The following ADORA2B variants were observed in gnomAD, a reference collection of about 807,000 sequenced individuals.
The protein encoded by ADORA2B is adenosine receptor A2b.
Under a neutral mutation model 20.8 loss-of-function variants are expected in ADORA2B, and 18 were observed. That is an observed-to-expected ratio of 0.87 (90% CI 0.60 to 1.29). ADORA2B has a LOEUF of 1.29. Ranked by LOEUF, ADORA2B falls within the 50% of genes most tolerant of loss-of-function variation. The pLI, the probability that ADORA2B is intolerant of heterozygous loss-of-function variation, is 0.00. For synonymous variants in ADORA2B, 179 were observed against 178.3 expected, an observed-to-expected ratio of 1.00 and a Z score of -0.03; for missense variants, 441 against 422.7, an observed-to-expected ratio of 1.04 and a Z score of -0.38.
the ADORA2B span, among the ~76,000 whole-genome samples, chr17:15,892,654 C>CTTT: frequency 8.2e-6 from 1 of 122,138 alleles, no homozygotes; most frequent in Non-Finnish European, 1.6e-5. Context: ...TTCTTTCTTT[C>CTTT]TTTTTTTTTT....
At chr17:15,854,010 C>G in the ADORA2B span, among the ~76,000 whole-genome samples, 1 of 152,186 alleles carries the variant, frequency 6.6e-6, no homozygotes, top group African/African-American at 2.4e-5. Context: ...GGCTGGAGTG[C>G]AATGGCACGA....
At chr17:15,870,303 G>T in the ADORA2B span, among the ~76,000 whole-genome samples, 1 of 148,664 alleles carries the variant, frequency 6.7e-6, no homozygotes, top group South Asian at 2.2e-4. Flanking sequence ...TAATACACAT[G>T]TTCCTTAGAT....
chr17:15,922,476 T>C, the ADORA2B span, among the ~76,000 whole-genome samples: 1 of 152,288 alleles, frequency 6.6e-6, no homozygotes, highest in Admixed American at 6.5e-5. Flanking sequence ...TCCCCTATGA[T>C]TAGGGTAGCC....
At position 15,964,789 on chromosome 17, in the gene ADORA2B, C is replaced by T. The variant is rs143905829; in HGVS notation, c.336-9890C>T. ...TTAAAAAAAAAAATCTGGCCGGGCG[C>T]GGTGGCTCACGCCTGTAACCCCAGC... On this transcript the variant is annotated intron_variant, in intron 1 of 1. Transcript: ENST00000304222. 7.4e-3 allele frequency among the ~76,000 whole-genome samples: 1,123 copies of T among 151,280 alleles called. 24 individuals carry two copies. The highest frequency in any genetic ancestry group is 0.023 in the African/African-American group (941 of 40,942).
At chr17:15,958,657 G>A (rs1466808846) in intron 1 of ADORA2B, among the ~76,000 whole-genome samples, 3 of 152,056 alleles carry the variant, frequency 2.0e-5, no homozygotes, top group Non-Finnish European at 4.4e-5. Flanking sequence ...CAATTCCTGA[G>A]ACTTCTGGAG....
the ADORA2B span, chr17:15,858,872 G>A: frequency 6.6e-6 from 1 of 152,274 alleles, no homozygotes; most frequent in Non-Finnish European, 1.5e-5. Flanking sequence ...TTCAACCCCA[G>A]AATAATGGAC....
At chr17:15,893,711 T>A in the ADORA2B span, among the ~76,000 whole-genome samples, 467 of 152,342 alleles carry the variant, frequency 3.1e-3, 4 homozygotes, top group Middle Eastern at 0.034. Context: ...CAGCACAGTG[T>A]CTATTAACAC....
At chr17:15,902,348 C>G in the ADORA2B span, among the ~76,000 whole-genome samples, 7 of 152,090 alleles carry the variant, frequency 4.6e-5, no homozygotes, top group Non-Finnish European at 7.4e-5. Context: ...GGATTACAGG[C>G]CTGCGCCATC....
Position 15,960,871 on chromosome 17 carries a change from G to A in ADORA2B, c.336-13808G>A, listed in dbSNP as rs571749624. Among the ~76,000 whole-genome samples, 11 of 142,706 alleles carry A rather than the reference G, an allele frequency of 7.7e-5. No individual in the cohort carries two copies. In the South Asian group the frequency reaches 2.2e-3, roughly 29 times the overall value. 93.6% of individuals were successfully genotyped at this position (142,706 alleles called of 152,430 possible). ...AGCCTGGGCGACAGAGCAAGACTCC[G>A]TCTCAAAAAAAAAAGTCTGGGCGCA... On this transcript the variant is annotated intron_variant, in intron 1 of 1. Coordinates refer to ENST00000304222, the MANE Select transcript of ADORA2B (RefSeq NM_000676.4).
chr17:15,904,521 G>A, the ADORA2B span, among the ~76,000 whole-genome samples: 6 of 151,390 alleles, frequency 4.0e-5, no homozygotes, highest in Admixed American at 4.0e-4. Context: ...CCGGGTAACT[G>A]GGACTACAGG....
chr17:15,896,707 T>C, the ADORA2B span, among the ~76,000 whole-genome samples: 1 of 152,198 alleles, frequency 6.6e-6, no homozygotes, highest in Non-Finnish European at 1.5e-5. Flanking sequence ...ATCTGTTGGC[T>C]TTTGTCCCCA....
At chr17:15,964,332 C>T (rs940235265) in intron 1 of ADORA2B, among the ~76,000 whole-genome samples, 4 of 152,128 alleles carry the variant, frequency 2.6e-5, no homozygotes, top group Admixed American at 6.5e-5. Flanking sequence ...TTAGGCTGGG[C>T]GCTGTGACTC....
the ADORA2B span, among the ~76,000 whole-genome samples, chr17:15,861,658 G>A: frequency 6.6e-6 from 1 of 152,190 alleles, no homozygotes; most frequent in South Asian, 2.1e-4. Context: ...GGATGTGAAG[G>A]AGGGCTTGGC....
the ADORA2B span, among the ~76,000 whole-genome samples, chr17:15,878,956 G>C: frequency 1.6e-3 from 245 of 152,222 alleles, no homozygotes; most frequent in African/African-American, 5.5e-3. Flanking sequence ...GTGTATTACT[G>C]TTGTGGGAAA....
intron 1 of ADORA2B, among the ~76,000 whole-genome samples, chr17:15,949,671 G>A (rs1426573717): frequency 6.6e-6 from 1 of 151,760 alleles, no homozygotes; most frequent in Non-Finnish European, 1.5e-5. Flanking sequence ...CAGAGTTCGA[G>A]ACCAGCCTGG....
chr17:15,927,057 AAAT>A, the ADORA2B span, among the ~76,000 whole-genome samples: 3 of 152,208 alleles, frequency 2.0e-5, no homozygotes, highest in Non-Finnish European at 4.4e-5. Context: ...GTTAAAAATA[AAAT>A]AATAGGCTGG....
chr17:15,893,610 C>G, the ADORA2B span, among the ~76,000 whole-genome samples: 1 of 152,032 alleles, frequency 6.6e-6, no homozygotes, highest in Admixed American at 6.6e-5. Flanking sequence ...AAGACCTTGG[C>G]CAGCATTTTT....
At chr17:15,854,105 A>G in the ADORA2B span, among the ~76,000 whole-genome samples, 12,447 of 152,214 alleles carry the variant, frequency 0.082, 1,426 homozygotes, top group African/African-American at 0.25. Context: ...ACAGCCATGC[A>G]CCACCACGCC....
the ADORA2B span, among the ~76,000 whole-genome samples, chr17:15,865,644 C>G: frequency 6.6e-6 from 1 of 152,080 alleles, no homozygotes; most frequent in South Asian, 2.1e-4. Context: ...ATCGCCAGCT[C>G]CCACAGACCT....
Sources: allele counts gnomAD v4.1 joint callset (sites outside exome capture counted in the v4.1 genomes callset), GRCh38; gene constraint gnomAD v4.1.1; transcripts MANE v1.5; gene names NCBI Gene and HGNC (gene_info 2026-07-23, HGNC 2026-07-21).